Variants in DCC observed in about 807,000 individuals in gnomAD.
The protein encoded by DCC is netrin receptor DCC.
In DCC, 58 loss-of-function variants were observed where a neutral mutation model predicts 172.5. The ratio of observed to expected loss-of-function variants is 0.34; its 90% confidence interval spans 0.27 to 0.42. The LOEUF (loss-of-function observed/expected upper bound fraction) is 0.42, where lower values mean the gene tolerates loss of function less well. Among genes scored for constraint, DCC ranks in the 10% least tolerant of loss-of-function variants. The probability of loss-of-function intolerance (pLI) is 1.00; values close to 1 mark genes in which losing one functional copy is unlikely to be tolerated. For synonymous variants in DCC, 709 were observed against 644.5 expected (o/e 1.10, Z -1.52); for missense variants, 1,740 against 1,791.0 (o/e 0.97, Z 0.51).
At chr18:52,369,575 A>G (rs2144293772) in intron 1 of DCC, among the ~76,000 whole-genome samples, 1 of 152,154 alleles carries the variant, frequency 6.6e-6, no homozygotes, top group East Asian at 1.9e-4. Flanking sequence ...AATGGAGGAC[A>G]TCACAGGGGC....
In DCC at chr18:53,091,123, G is replaced by C. The variant is rs550400793; in HGVS notation, c.1261+24957G>C. Among the ~76,000 whole-genome samples the C allele has an allele frequency of 1.1e-4, 17 of 151,944 alleles. 1 individual carries two copies. In the South Asian group the frequency reaches 3.3e-3, roughly 30 times the overall value. On this transcript the variant is annotated intron_variant, in intron 7 of 28. Coordinates refer to ENST00000442544, the MANE Select transcript of DCC (RefSeq NM_005215.4). ...ATAGCATGTGAATAAAACAGAAAAC[G>C]GCTATCTTAGAGAATACATGGTAAG...
chr18:53,506,918 G>C (rs777061222), intron 27 of DCC, among the ~76,000 whole-genome samples: 1 of 150,644 alleles, frequency 6.6e-6, no homozygotes, highest in African/African-American at 2.4e-5. Context: ...AGAGTCCTAA[G>C]GACTAGTCTC....
At chr18:52,675,299 A>C (rs1182787798) in intron 1 of DCC, among the ~76,000 whole-genome samples, 1 of 152,064 alleles carries the variant, frequency 6.6e-6, no homozygotes, top group Non-Finnish European at 1.5e-5. Context: ...AAGTGATCCA[A>C]CTGCCTCGGC....
chr18:52,889,710 G>A (rs2145419087), intron 2 of DCC, among the ~76,000 whole-genome samples: 1 of 152,188 alleles, frequency 6.6e-6, no homozygotes, highest in Middle Eastern at 3.4e-3. Context: ...CTTTAGGGTT[G>A]AAATTATTAT....
At chr18:53,342,080 A>G (rs1020496547) in intron 15 of DCC, among the ~76,000 whole-genome samples, 3 of 152,054 alleles carry the variant, frequency 2.0e-5, no homozygotes, top group African/African-American at 4.8e-5. Flanking sequence ...TCATGGTTGT[A>G]TATTAAACTA....
At chr18:53,516,059 G>A (rs1025170699) in intron 27 of DCC, among the ~76,000 whole-genome samples, 1 of 146,170 alleles carries the variant, frequency 6.8e-6, no homozygotes, top group Non-Finnish European at 1.5e-5. Flanking sequence ...ATACTACAAG[G>A]CTACAGTAAC....
At chr18:52,973,269 CAT>C (rs1259873637) in intron 5 of DCC, among the ~76,000 whole-genome samples, 1 of 152,096 alleles carries the variant, frequency 6.6e-6, no homozygotes, top group Non-Finnish European at 1.5e-5. Flanking sequence ...TTAAAGGAAT[CAT>C]AAAATCCTCA....
chr18:52,780,919 G>A (rs1000795054), intron 2 of DCC, among the ~76,000 whole-genome samples: 1 of 152,158 alleles, frequency 6.6e-6, no homozygotes, highest in African/African-American at 2.4e-5. Flanking sequence ...GATTGTAAGA[G>A]TGGAAAGATA....
At chr18:52,815,417 C>T (rs923395660) in intron 2 of DCC, among the ~76,000 whole-genome samples, 1 of 113,142 alleles carries the variant, frequency 8.8e-6, no homozygotes, top group African/African-American at 2.9e-5. Flanking sequence ...CACGTACACA[C>T]ACACACACAC....
intron 1 of DCC, among the ~76,000 whole-genome samples, chr18:52,651,029 A>G (rs2035121516): frequency 6.6e-6 from 1 of 152,210 alleles, no homozygotes; most frequent in African/African-American, 2.4e-5. Context: ...ATGAAAAGAA[A>G]AAGCTAAAAT....
intron 17 of DCC, among the ~76,000 whole-genome samples, chr18:53,393,460 A>G (rs566965109): frequency 5.4e-4 from 83 of 152,322 alleles, no homozygotes; most frequent in African/African-American, 2.0e-3. Flanking sequence ...TAGATTTAAG[A>G]TTCAGCAGAA....
intron 1 of DCC, among the ~76,000 whole-genome samples, chr18:52,384,090 T>G (rs1354243893): frequency 6.6e-6 from 1 of 152,138 alleles, no homozygotes; most frequent in African/African-American, 2.4e-5. Flanking sequence ...TCTTCTCAAT[T>G]ATCTAATTGA....
At chr18:53,321,180 T>A (rs972974332) in intron 13 of DCC, among the ~76,000 whole-genome samples, 1 of 152,212 alleles carries the variant, frequency 6.6e-6, no homozygotes, top group Non-Finnish European at 1.5e-5. Flanking sequence ...ATATTTGCAC[T>A]ATTTCAGATG....
intron 12 of DCC, among the ~76,000 whole-genome samples, chr18:53,272,438 GAACTATC>G: frequency 6.6e-6 from 1 of 152,190 alleles, no homozygotes; most frequent in African/African-American, 2.4e-5. Context: ...TTTTCTCACA[GAACTATC>G]AATTGCCACT....
chr18:53,136,267 A>G (rs2043741308), intron 7 of DCC, among the ~76,000 whole-genome samples: 1 of 151,936 alleles, frequency 6.6e-6, no homozygotes, highest in African/African-American at 2.4e-5. Flanking sequence ...ATACATACAC[A>G]CTAGATATAA....
chr18:52,619,819 G>A (rs532805955), intron 1 of DCC, among the ~76,000 whole-genome samples: 4 of 152,220 alleles, frequency 2.6e-5, no homozygotes, highest in South Asian at 2.1e-4. Context: ...TTTTCCCTAC[G>A]CAAAATCCAG....
intron 1 of DCC, among the ~76,000 whole-genome samples, chr18:52,516,231 C>T (rs1265082384): frequency 6.6e-6 from 1 of 152,068 alleles, no homozygotes; most frequent in Non-Finnish European, 1.5e-5. Flanking sequence ...AGTTGTACTC[C>T]TGGGCATTTA....
intron 7 of DCC, among the ~76,000 whole-genome samples, chr18:53,111,456 A>C (rs564925809): frequency 6.7e-6 from 1 of 148,322 alleles, no homozygotes; most frequent in Non-Finnish European, 1.5e-5. Flanking sequence ...AAAAAAAAAA[A>C]AGAGAGACCA....
At chr18:52,463,466 A>G (rs1988692993) in intron 1 of DCC, among the ~76,000 whole-genome samples, 1 of 152,206 alleles carries the variant, frequency 6.6e-6, no homozygotes, top group African/African-American at 2.4e-5. Flanking sequence ...GCACATACTA[A>G]GAGTTAGAGA....
Sources: gnomAD v4.1 joint callset for allele counts (sites outside exome capture counted in the v4.1 genomes callset) on GRCh38, gnomAD v4.1.1 for gene constraint, MANE v1.5 for transcripts, NCBI Gene and HGNC (gene_info 2026-07-23, HGNC 2026-07-21) for gene names.